The following POMP variants were observed in gnomAD, a reference collection of about 807,000 sequenced individuals.
POMP encodes proteasome maturation protein.
In POMP, 12 loss-of-function variants were observed where a neutral mutation model predicts 20.6. The ratio of observed to expected loss-of-function variants is 0.58; its 90% CI spans 0.37 to 0.94. The LOEUF (loss-of-function observed/expected upper bound fraction) is 0.94, where lower values mean the gene tolerates loss of function less well. Ranked by LOEUF, POMP falls within the 40% of genes least tolerant of loss-of-function variation. The pLI is 0.01. For synonymous variants in POMP, 53 were observed against 55.0 expected (o/e 0.96, Z 0.16); for missense variants, 136 against 161.1 (o/e 0.84, Z 0.84).
intron 3 of POMP, among the ~76,000 whole-genome samples, chr13:28,666,465 G>C (rs1031668137): frequency 6.6e-6 from 1 of 152,222 alleles, no homozygotes; most frequent in African/African-American, 2.4e-5. Context: ...AGGTGGAACT[G>C]TGAAGAATCT....
intron 3 of POMP, among the ~76,000 whole-genome samples, chr13:28,667,696 A>C (rs971533675): frequency 3.9e-5 from 6 of 152,226 alleles, no homozygotes; most frequent in Non-Finnish European, 8.8e-5. Context: ...AAAAAATGAC[A>C]AGAAATGACT....
At chr13:28,660,510 G>A (rs1165958283) in intron 1 of POMP, among the ~76,000 whole-genome samples, 6 of 152,212 alleles carry the variant, frequency 3.9e-5, no homozygotes, top group African/African-American at 1.4e-4. Context: ...TGTTAAATGT[G>A]TTTTTGACTT....
At chr13:28,661,586 A>G (rs1884342309) in intron 1 of POMP, among the ~76,000 whole-genome samples, 1 of 152,248 alleles carries the variant, frequency 6.6e-6, no homozygotes, top group Admixed American at 6.5e-5. Context: ...TAGCTTCAGT[A>G]TCTAGCAGAG....
chr13:28,668,358 C>T lies in POMP; in HGVS notation c.163-115C>T, dbSNP rs537574892. 2.1e-5 allele frequency: 15 copies of T among 718,300 alleles called. No homozygotes were observed. In the East Asian group the frequency reaches 4.1e-4, roughly 20 times the overall value. The allele number at this position is 718,300 out of a possible 1,614,324, so 44.5% of individuals were successfully genotyped here. On this transcript the variant is annotated intron_variant, in intron 3 of 5. Coordinates refer to ENST00000380842, the MANE Select transcript of POMP (RefSeq NM_015932.6). ...TAGTAAAAATACTTAGTTTTTATTA[C>T]AGGTATGGATATTAAAATTCTTCAT...
At position 28,659,134 on chromosome 13, in the gene POMP, G is replaced by T. The variant is rs373450514; in HGVS notation, c.-51G>T. 16 of 1,573,926 alleles carry T rather than the reference G, an allele frequency of 1.0e-5. No homozygotes were observed. In the African/African-American group the frequency reaches 2.0e-4, roughly 20 times the overall value. On this transcript the variant is annotated 5_prime_UTR_variant, in exon 1 of 6. Coordinates refer to ENST00000380842, the MANE Select transcript of POMP (RefSeq NM_015932.6). ...CCCTCGGAAACGGAAGTGAGCGGCG[G>T]GGTCGACTGACGGTAACGGGGCAGA...
intron 2 of POMP, among the ~76,000 whole-genome samples, chr13:28,663,056 A>T (rs939105668): frequency 6.6e-6 from 1 of 152,156 alleles, no homozygotes; most frequent in Admixed American, 6.5e-5. Context: ...ATGGTACCTG[A>T]CATTAGAAGC....
At chr13:28,677,786 A>T (rs1928497) in intron 5 of POMP, among the ~76,000 whole-genome samples, 132 of 152,280 alleles carry the variant, frequency 8.7e-4, no homozygotes, top group African/African-American at 3.0e-3. Context: ...TTAAGTGTAC[A>T]GTTCTGTGGG....
rs990513787 is a variant in POMP, at chr13:28,668,872, G to A, written c.264+298G>A. On this transcript the variant is annotated intron_variant, in intron 4 of 5. Coordinates refer to ENST00000380842, the MANE Select transcript of POMP (RefSeq NM_015932.6). ...TCCCTCTAAGAATATCCAAGTGGAG[G>A]TGTCAAGTATACAATTTGTATATAG... Among the ~76,000 whole-genome samples the A allele has an allele frequency of 5.9e-5, 9 of 152,144 alleles. No homozygotes were observed. The East Asian group carries it at 1.7e-3, about 29-fold the overall frequency.
intron 1 of POMP, among the ~76,000 whole-genome samples, chr13:28,660,758 G>A (rs374415697): frequency 2.6e-5 from 4 of 152,272 alleles, no homozygotes; most frequent in African/African-American, 9.6e-5. Flanking sequence ...CTATTATGCA[G>A]GTTCTTTAGG....
intron 5 of POMP, 49 bp downstream of exon 5, chr13:28,672,481 C>T (rs1247397067): frequency 1.5e-6 from 2 of 1,373,160 alleles, no homozygotes; most frequent in Non-Finnish European, 2.1e-6. Flanking sequence ...ATTTAAAAGG[C>T]AAACAGCTGC....
chr13:28,659,291 G>A lies in POMP; in HGVS notation c.3+104G>A, dbSNP rs1884290722. The A allele has an allele frequency of 6.6e-6, 10 of 1,509,672 alleles. No homozygotes were observed. In the East Asian group the frequency reaches 9.8e-5, roughly 15 times the overall value. 93.5% of individuals were successfully genotyped at this position (1,509,672 alleles called of 1,614,324 possible). Reference sequence around the variant, plus strand: ...ACCCGTCCCCGGTGGCGGCGGCGGCGGCAGCGTGGGGCTGAGGCCGGCCTC... The same window carrying A: ...ACCCGTCCCCGGTGGCGGCGGCGGCAGCAGCGTGGGGCTGAGGCCGGCCTC... On this transcript the variant is annotated intron_variant, in intron 1 of 5. Transcript: ENST00000380842.
At chr13:28,676,163 C>A (rs79682430) in intron 5 of POMP, among the ~76,000 whole-genome samples, 1 of 152,248 alleles carries the variant, frequency 6.6e-6, no homozygotes, top group African/African-American at 2.4e-5. Context: ...CACCACCACG[C>A]CTGGCTAATT....
intron 5 of POMP, 99 bp downstream of exon 5, chr13:28,672,531 AG>A: frequency 1.1e-6 from 1 of 877,318 alleles, no homozygotes; most frequent in African/African-American, 1.7e-5. Flanking sequence ...TGGAACTTAC[AG>A]CTGATTGGGT....
Position 28,678,354 on chromosome 13 carries a change from C to A in POMP, c.*252C>A. 1 of 448,058 alleles carries A rather than the reference C, an allele frequency of 2.2e-6. No individual in the cohort carries two copies. 27.8% of individuals were successfully genotyped at this position (448,058 alleles called of 1,614,324 possible). On this transcript the variant is annotated 3_prime_UTR_variant, in exon 6 of 6. Transcript: ENST00000380842. ...CTTTGTCTTTAAAAAAGTTGTTGCT[C>A]ATGAATATTATAAAATGATCTACAG... is the stretch of plus-strand genomic sequence containing the variant.
chr13:28,677,182 T>C (rs1884643049), intron 5 of POMP, among the ~76,000 whole-genome samples: 1 of 151,756 alleles, frequency 6.6e-6, no homozygotes, highest in Admixed American at 6.5e-5. Context: ...TGTCTTTCTA[T>C]GTAGTCAAAA....
Position 28,659,311 on chromosome 13 carries a change from G to A in POMP, c.3+124G>A. The stretch of plus-strand genomic sequence containing the variant: ...GCGGCGGCAGCGTGGGGCTGAGGCC[G>A]GCCTCAGGCGCCATAATCTGTCGAG... On this transcript the variant is annotated intron_variant, in intron 1 of 5. Transcript: ENST00000380842. The A allele has an allele frequency of 6.2e-6, 9 of 1,459,124 alleles. No individual in the cohort carries two copies. The South Asian group carries it at 1.1e-4, about 18-fold the overall frequency. 90.4% of individuals were successfully genotyped at this position (1,459,124 alleles called of 1,614,324 possible).
At chr13:28,659,399 T>C (rs1209318645) in intron 1 of POMP, among the ~76,000 whole-genome samples, 1 of 152,218 alleles carries the variant, frequency 6.6e-6, no homozygotes, top group Non-Finnish European at 1.5e-5. Context: ...CTAGCAGTGC[T>C]TCGGCTTCAT....
intron 4 of POMP, among the ~76,000 whole-genome samples, chr13:28,669,829 G>C (rs979334170): frequency 1.3e-5 from 2 of 152,102 alleles, no homozygotes; most frequent in African/African-American, 2.4e-5. Flanking sequence ...ATTCCAACTG[G>C]GCGTGGTGCC....
intron 5 of POMP, among the ~76,000 whole-genome samples, chr13:28,676,842 T>C (rs1282844763): frequency 6.6e-6 from 1 of 152,166 alleles, no homozygotes; most frequent in Non-Finnish European, 1.5e-5. Context: ...AAATGGAAGC[T>C]CACAGAGGCT....
Sources: allele counts gnomAD v4.1 joint callset (sites outside exome capture counted in the v4.1 genomes callset), GRCh38; gene constraint gnomAD v4.1.1; transcripts MANE v1.5; gene names NCBI Gene and HGNC (gene_info 2026-07-23, HGNC 2026-07-21).